The following FMN1 variants were observed in gnomAD, a reference collection of about 807,000 sequenced individuals.
FMN1 encodes the protein formin-1.
A neutral mutation model predicts 132.4 loss-of-function variants in FMN1; 110 were observed. The observed-to-expected ratio is 0.83, with a 90% CI of 0.71 to 0.97. FMN1 has a LOEUF of 0.97. FMN1 is among the 50% of genes least tolerant of loss of function. The pLI, the probability that FMN1 is intolerant of heterozygous loss-of-function variation, is 0.00. For missense variants in FMN1, 1,792 were observed against 1,705.3 expected (o/e 1.05, Z -0.90); for synonymous variants, 722 against 651.7 (o/e 1.11, Z -1.64).
At chr15:32,996,660 C>T (rs1206170319) in intron 7 of FMN1, among the ~76,000 whole-genome samples, 1 of 152,148 alleles carries the variant, frequency 6.6e-6, no homozygotes, top group Non-Finnish European at 1.5e-5. Context: ...ATTGTTATTC[C>T]TCCAGGACAC....
chr15:33,084,921 A>C (rs74944960), intron 5 of FMN1, among the ~76,000 whole-genome samples: 13 of 152,300 alleles, frequency 8.5e-5, no homozygotes, highest in African/African-American at 3.1e-4. Flanking sequence ...GTAGCCACAG[A>C]AAAAGGCTTA....
chr15:32,796,184 A>G (rs1352589082), intron 19 of FMN1, among the ~76,000 whole-genome samples: 2 of 152,196 alleles, frequency 1.3e-5, no homozygotes, highest in Non-Finnish European at 2.9e-5. Flanking sequence ...GTAAATATTC[A>G]CCACCACCTA....
At chr15:33,017,759 T>C (rs2035144746) in intron 6 of FMN1, among the ~76,000 whole-genome samples, 2 of 152,238 alleles carry the variant, frequency 1.3e-5, no homozygotes, top group Admixed American at 6.5e-5. Flanking sequence ...TGAATGTTTG[T>C]GTCCTACTAA....
intron 19 of FMN1, among the ~76,000 whole-genome samples, 175 bp downstream of exon 19, chr15:32,798,629 C>G (rs1248139972): frequency 6.6e-6 from 1 of 152,128 alleles, no homozygotes; most frequent in African/African-American, 2.4e-5. Context: ...CCTGTGTGGA[C>G]AGCAAGCTTT....
chr15:32,813,110 A>T lies in FMN1; in HGVS notation c.3929-8778T>A, dbSNP rs555451553. ...TAGCATTTACATTGTATTAGGTATC[A>T]TAAGTAATCTAGAGATGATTTAAAG... On this transcript the variant is annotated intron_variant, in intron 17 of 20. Coordinates refer to ENST00000616417, the MANE Select transcript of FMN1 (RefSeq NM_001277313.2). Among the ~76,000 whole-genome samples the T allele has an allele frequency of 6.6e-5, 10 of 152,330 alleles. No homozygotes were observed. The South Asian group carries it at 2.1e-3, about 32-fold the overall frequency.
chr15:33,050,843 T>G (rs2036934343), intron 6 of FMN1, among the ~76,000 whole-genome samples: 1 of 152,208 alleles, frequency 6.6e-6, no homozygotes. Context: ...GGTCTATAAA[T>G]TACTACTGTA....
At chr15:32,870,106 T>G (rs937615467) in intron 16 of FMN1, among the ~76,000 whole-genome samples, 2 of 152,234 alleles carry the variant, frequency 1.3e-5, no homozygotes, top group African/African-American at 4.8e-5. Context: ...TTGGTGACTT[T>G]AAAACTGATT....
chr15:32,909,926 G>A (rs1326440715), intron 11 of FMN1, among the ~76,000 whole-genome samples: 2 of 151,884 alleles, frequency 1.3e-5, no homozygotes, highest in Admixed American at 6.6e-5. Context: ...CTATACTGAT[G>A]ATCACAACGG....
At chr15:32,897,587 T>C (rs746036954) in intron 15 of FMN1, among the ~76,000 whole-genome samples, 1 of 152,130 alleles carries the variant, frequency 6.6e-6, no homozygotes, top group Non-Finnish European at 1.5e-5. Context: ...AGAATACGTG[T>C]AGAGGGAAAG....
intron 4 of FMN1, among the ~76,000 whole-genome samples, chr15:33,132,015 C>A (rs751760507): frequency 6.6e-6 from 1 of 152,098 alleles, no homozygotes; most frequent in Non-Finnish European, 1.5e-5. Context: ...CCGAAATGAC[C>A]TTTGCCTTCC....
chr15:32,863,493 G>A (rs1404685498), intron 16 of FMN1, among the ~76,000 whole-genome samples: 1 of 152,134 alleles, frequency 6.6e-6, no homozygotes, highest in African/African-American at 2.4e-5. Context: ...CATGTCTACT[G>A]AGCACCTACT....
intron 17 of FMN1, among the ~76,000 whole-genome samples, chr15:32,851,868 C>T (rs902697097): frequency 7.2e-5 from 11 of 152,172 alleles, no homozygotes; most frequent in Non-Finnish European, 2.9e-5. Flanking sequence ...TCACAACGCA[C>T]GTGACTTCTC....
intron 16 of FMN1, among the ~76,000 whole-genome samples, chr15:32,861,980 C>A (rs186844269): frequency 2.6e-5 from 4 of 152,194 alleles, no homozygotes; most frequent in Non-Finnish European, 5.9e-5. Context: ...GGGATTCCCA[C>A]GTGGCCTGTA....
At chr15:32,973,496 G>A (rs1254201828) in intron 7 of FMN1, among the ~76,000 whole-genome samples, 1 of 152,084 alleles carries the variant, frequency 6.6e-6, no homozygotes. Flanking sequence ...GAATTTCCAT[G>A]TACCATACAC....
intron 15 of FMN1, among the ~76,000 whole-genome samples, chr15:32,897,075 C>T (rs993909935): frequency 1.3e-5 from 2 of 152,140 alleles, no homozygotes; most frequent in African/African-American, 4.8e-5. Context: ...TCAACACTTG[C>T]TATTTTCCAT....
intron 7 of FMN1, among the ~76,000 whole-genome samples, chr15:32,988,743 G>T (rs1311913157): frequency 1.3e-5 from 2 of 149,032 alleles, no homozygotes; most frequent in Non-Finnish European, 3.0e-5. Context: ...AAACCCCGTT[G>T]TTGTTGTGAT....
Position 32,798,792 on chromosome 15 carries a change from T to C in FMN1, c.4130+12A>G. On this transcript the variant is annotated intron_variant, in intron 19 of 20. Transcript: ENST00000616417. ...CCTGAAGGAGGCATTAAAATCTTTT[T>C]TTGAACCTTACCTTTCTTTAGATAT... 6.2e-7 allele frequency: 1 copy of C among 1,606,732 alleles called. No individual in the cohort carries two copies. Among genetic ancestry groups the C allele is most frequent in the Non-Finnish European group, 8.5e-7 (1 of 1,176,390 alleles).
chr15:32,917,202 G>C (rs1449079951), intron 10 of FMN1, among the ~76,000 whole-genome samples: 1 of 152,198 alleles, frequency 6.6e-6, no homozygotes, highest in Non-Finnish European at 1.5e-5. Context: ...TCGGAGGCAA[G>C]GCCAGGGGAC....
Position 33,153,825 on chromosome 15 carries a change from A to C in FMN1, c.1090T>G (p.Phe364Val), listed in dbSNP as rs1464148477. 6.5e-7 allele frequency: 1 copy of C among 1,536,174 alleles called. No individual in the cohort carries two copies. Among genetic ancestry groups the C allele is most frequent in the South Asian group, 1.2e-5 (1 of 84,038 alleles). Residue 364 changes from phenylalanine to valine, a missense_variant, in exon 4 of 21, where the codon TTT becomes GTT. Physicochemically the swap from Phe to Val is conservative, Grantham distance 50. This residue lies in a region of FMN1 where 638 missense variants were observed against 645.2 expected (regional missense o/e 0.99). Coordinates refer to ENST00000616417, the MANE Select transcript of FMN1 (RefSeq NM_001277313.2). ...IAIRPAAHAE[F>V]VPKADLLTLP... ...GTGAGCAAGTCGGCTTTGGGTACAA[A>C]CTCAGCGTGGGCTGCTGGGCGAATG...
Sources: gnomAD v4.1 joint callset for allele counts (sites outside exome capture counted in the v4.1 genomes callset) on GRCh38, gnomAD v4.1.1 for gene constraint, gnomAD v4.1.1 regional missense constraint, MANE v1.5 for transcripts, NCBI Gene and HGNC (gene_info 2026-07-23, HGNC 2026-07-21) for gene names.